The following ATP7A variants were observed in gnomAD, a reference collection of about 807,000 sequenced individuals.
ATP7A encodes the protein ATPase copper transporting alpha.
ATP7A carries 7 observed loss-of-function variants against 83.5 expected under a neutral mutation model. The observed-to-expected ratio is 0.08, with a 90% confidence interval of 0.05 to 0.16. The LOEUF (loss-of-function observed/expected upper bound fraction) is 0.16, where lower values mean the gene tolerates loss of function less well. ATP7A is among the 10% of genes least tolerant of loss of function. The pLI, the probability that ATP7A is intolerant of heterozygous loss-of-function variation, is 1.00. For synonymous variants in ATP7A, 354 were observed against 395.2 expected (o/e 0.90, Z 1.24); for missense variants, 940 against 1,120.8 (o/e 0.84, Z 2.30).
chrX:78,000,814 G>A (rs2077734402), intron 5 of ATP7A, among the ~76,000 whole-genome samples: 1 of 109,263 alleles, frequency 9.2e-6, no homozygotes, highest in African/African-American at 3.3e-5. Context: ...ACAGGTGTAT[G>A]CCACCATGCC....
chrX:78,010,422 G>A (rs2077811124), intron 7 of ATP7A, among the ~76,000 whole-genome samples: 2 of 111,145 alleles, frequency 1.8e-5, no homozygotes, highest in African/African-American at 3.3e-5. Context: ...TACTATCTAT[G>A]GTCAGATAAG....
chrX:77,990,310 A>G, intron 4 of ATP7A, among the ~76,000 whole-genome samples: 2 of 112,410 alleles, frequency 1.8e-5, no homozygotes, highest in South Asian at 7.3e-4. Context: ...ATACAATGTG[A>G]TCAAAATTTT....
Position 78,015,897 on chromosome X carries a change from G to C in ATP7A, c.2626+16G>C. The C allele has an allele frequency of 2.5e-6, 3 of 1,210,038 alleles. No individual in the cohort carries two copies. Among genetic ancestry groups the C allele is most frequent in the Non-Finnish European group, 2.2e-6 (2 of 894,436 alleles). ...CTCATCACAGGTATGTTCTTTCAAA[G>C]GATCATGACCAAAATGTTAAGAAAA... On this transcript the variant is annotated intron_variant, in intron 12 of 22. Coordinates refer to ENST00000341514, the MANE Select transcript of ATP7A (RefSeq NM_000052.7).
In ATP7A at chrX:77,987,481, T is replaced by C. The variant is rs1471818488; in HGVS notation, c.121-761T>C. ...GTGTGTGTGTGTGTGTGTGTGTGTG[T>C]GTGTGTCTTCATCATGAATCTTTGT... On this transcript the variant is annotated intron_variant, in intron 2 of 22. Transcript: ENST00000341514. Among the ~76,000 whole-genome samples, 3 of 108,872 alleles carry C rather than the reference T, an allele frequency of 2.8e-5. No homozygotes were observed. The East Asian group carries it at 8.6e-4, about 31-fold the overall frequency. The allele number at this position is 108,872 out of a possible 115,157, so 94.5% of individuals were successfully genotyped here. A position where few individuals can be genotyped will look rare whatever the true frequency, so the allele number is the denominator to read the frequency against.
At chrX:77,920,581 G>T (rs1407105262) in intron 1 of ATP7A, among the ~76,000 whole-genome samples, 1 of 110,875 alleles carries the variant, frequency 9.0e-6, no homozygotes, top group Admixed American at 9.7e-5. Context: ...TCTGGTCTGC[G>T]TTAGTTTGCT....
chrX:78,027,567 G>A (rs1329901528), intron 14 of ATP7A, among the ~76,000 whole-genome samples: 1 of 111,691 alleles, frequency 9.0e-6, no homozygotes, highest in Non-Finnish European at 1.9e-5. Context: ...TAAAACTAAT[G>A]TCCTCTGTCA....
At chrX:78,003,002 A>T in intron 5 of ATP7A, 71 bp from the exon 6 acceptor site, 1 of 1,007,055 alleles carries the variant, frequency 9.9e-7, no homozygotes. Flanking sequence ...GATAATACTA[A>T]GAAGTAATTA....
chrX:78,022,011 CT>C (rs1557235846), intron 14 of ATP7A, among the ~76,000 whole-genome samples: 1 of 111,630 alleles, frequency 9.0e-6, no homozygotes, highest in East Asian at 2.8e-4. Context: ...CTGGACTGAC[CT>C]GTTCCTGGGT....
In ATP7A at chrX:77,989,688, A is replaced by G; in HGVS notation, c.1066A>G (p.Asn356Asp). The change falls in exon 4 of 23, where the codon AAC becomes GAC. Residue 356 changes from asparagine (N) to aspartate (D), a missense_variant. Physicochemically the swap from Asn to Asp is conservative, Grantham distance 23 (BLOSUM62 1). Transcript: ENST00000341514. ...CACAAGTGAAGTTGAGAGTACCTCAAACTCTCCCTCCAGCTCATCTCTTCA... is the reference window on the plus strand; with the variant it reads ...CACAAGTGAAGTTGAGAGTACCTCAGACTCTCCCTCCAGCTCATCTCTTCA... Reference protein sequence around the residue: ...SITSEVESTSNSPSSSSLQKI... With the variant: ...SITSEVESTSDSPSSSSLQKI... 8.3e-7 allele frequency: 1 copy of G among 1,211,469 alleles called. No individual in the cohort carries two copies. The highest frequency in any genetic ancestry group is 1.1e-6 in the Non-Finnish European group (1 of 895,298).
chrX:77,997,972 T>G (rs1005723369), intron 4 of ATP7A, among the ~76,000 whole-genome samples: 24 of 109,444 alleles, frequency 2.2e-4, no homozygotes, highest in African/African-American at 7.6e-4. Flanking sequence ...AAGTAGCCAC[T>G]GTTAATAGTT....
intron 1 of ATP7A, among the ~76,000 whole-genome samples, chrX:77,933,533 C>T (rs1007759559): frequency 8.9e-6 from 1 of 111,747 alleles, no homozygotes; most frequent in African/African-American, 3.3e-5. Context: ...TTTCGGATTT[C>T]GGAATTTTTG....
At chrX:78,030,745 G>A (rs1362015667) in intron 15 of ATP7A, among the ~76,000 whole-genome samples, 2 of 100,670 alleles carry the variant, frequency 2.0e-5, no homozygotes, top group Non-Finnish European at 4.0e-5. Context: ...AGGCTGGAGT[G>A]CAGTGGTGCG....
chrX:78,027,165 A>AT (rs2077950896), intron 14 of ATP7A, among the ~76,000 whole-genome samples: 1 of 110,447 alleles, frequency 9.1e-6, no homozygotes, highest in Admixed American at 9.7e-5. Context: ...AAAAAAAAAA[A>AT]ATCTCTGTTC....
chrX:77,916,694 A>C (rs1346895858), intron 1 of ATP7A, among the ~76,000 whole-genome samples: 2 of 111,827 alleles, frequency 1.8e-5, no homozygotes, highest in Non-Finnish European at 3.8e-5. Flanking sequence ...TACTCTGCAA[A>C]TAGCTGCATT....
chrX:78,004,269 G>A (rs956525759), intron 6 of ATP7A, among the ~76,000 whole-genome samples: 4 of 112,110 alleles, frequency 3.6e-5, no homozygotes, highest in Non-Finnish European at 7.5e-5. Context: ...GAAAGGACTA[G>A]TATATACACA....
chrX:77,928,553 T>G (rs2149045555), intron 1 of ATP7A, among the ~76,000 whole-genome samples: 1 of 111,172 alleles, frequency 9.0e-6, no homozygotes, highest in Non-Finnish European at 1.9e-5. Flanking sequence ...AGAATGTCAG[T>G]AAGAGATATA....
At chrX:77,974,503 A>C (rs1557230041) in intron 2 of ATP7A, among the ~76,000 whole-genome samples, 3 of 110,390 alleles carry the variant, frequency 2.7e-5, no homozygotes, top group Non-Finnish European at 5.7e-5. Context: ...TTGTATTATC[A>C]AACCTTCATT....
chrX:77,926,493 G>A (rs1484194986), intron 1 of ATP7A, among the ~76,000 whole-genome samples: 1 of 109,700 alleles, frequency 9.1e-6, no homozygotes, highest in African/African-American at 3.3e-5. Context: ...ACCACACCCG[G>A]CTAATTTTTG....
In ATP7A at chrX:78,047,118, C is replaced by A. The variant is rs782536057; in HGVS notation, c.*548C>A. 8.9e-6 allele frequency: 1 copy of A among 112,581 alleles called. No individual in the cohort carries two copies. Among genetic ancestry groups the A allele is most frequent in the Admixed American group, 9.4e-5 (1 of 10,612 alleles). The allele number at this position is 112,581 out of a possible 1,213,427, so 9.3% of individuals were successfully genotyped here. A position where few individuals can be genotyped will look rare whatever the true frequency, so the allele number is the denominator to read the frequency against. On this transcript the variant is annotated 3_prime_UTR_variant, in exon 23 of 23. Coordinates refer to ENST00000341514, the MANE Select transcript of ATP7A (RefSeq NM_000052.7). ...GCCTTATTTATTGCAGGCTTTCTTT[C>A]CCCCATTCTCCCTGCATCCTTGTCC...
Sources: allele counts gnomAD v4.1 joint callset (sites outside exome capture counted in the v4.1 genomes callset), GRCh38; gene constraint gnomAD v4.1.1; transcripts MANE v1.5; gene names NCBI Gene and HGNC (gene_info 2026-07-23, HGNC 2026-07-21).